IGF2BP1: variants seen among roughly 807,000 people sequenced by gnomAD.
IGF2BP1 encodes the protein insulin like growth factor 2 mRNA binding protein 1, also known as insulin-like growth factor 2 mRNA-binding protein 1.
IGF2BP1 carries 11 observed loss-of-function variants against 74.9 expected under a neutral mutation model. The observed-to-expected ratio is 0.15, with a 90% CI of 0.09 to 0.24. IGF2BP1 has a LOEUF of 0.24. Ranked by LOEUF, IGF2BP1 falls within the 10% of genes least tolerant of loss-of-function variation. The pLI, the probability that IGF2BP1 is intolerant of heterozygous loss-of-function variation, is 1.00. For missense variants in IGF2BP1, 440 were observed against 757.4 expected, an observed-to-expected ratio of 0.58 and a Z score of 4.92; for synonymous variants, 287 against 281.8, an observed-to-expected ratio of 1.02 and a Z score of -0.18.
rs1238230613 is a variant in IGF2BP1, at chr17:49,019,932, A to G, written c.237-5686A>G. Among the ~76,000 whole-genome samples the G allele has an allele frequency of 8.2e-4, 53 of 64,688 alleles. 1 individual carries two copies. The highest frequency in any genetic ancestry group is 5.7e-3 in the Middle Eastern group (1 of 174). The allele number at this position is 64,688 out of a possible 152,430, so 42.4% of individuals were successfully genotyped here. A position where few individuals can be genotyped will look rare whatever the true frequency, so the allele number is the denominator to read the frequency against. ...TATATATATATATATATATATATAT[A>G]TATATATATATATATATTTATATAC... On this transcript the variant is annotated intron_variant, in intron 2 of 14. Coordinates refer to ENST00000290341, the MANE Select transcript of IGF2BP1 (RefSeq NM_006546.4).
At chr17:48,999,215 G>T (rs779969855) in intron 2 of IGF2BP1, 46 bp downstream of exon 2, 6 of 1,035,680 alleles carry the variant, frequency 5.8e-6, no homozygotes, top group Non-Finnish European at 9.0e-6. Context: ...CCGCGGGGGT[G>T]TGCTGTGAAG....
rs1010668320 is a variant in IGF2BP1 at position 49,053,488 on chromosome 17, C to T, written c.*4044C>T. Reference sequence around the variant, plus strand: ...AGCCGAGAAATTGGTCTGTCGGCTCCTGGTTGCACTTTGGGGAAGGAGAGG... The same window carrying T: ...AGCCGAGAAATTGGTCTGTCGGCTCTTGGTTGCACTTTGGGGAAGGAGAGG... On this transcript the variant is annotated 3_prime_UTR_variant, in exon 15 of 15. Transcript: ENST00000290341. 2.6e-5 allele frequency: 4 copies of T among 152,960 alleles called. No homozygotes were observed. Among genetic ancestry groups the T allele is most frequent in the Admixed American group, 6.5e-5 (1 of 15,280 alleles). 9.5% of individuals were successfully genotyped at this position (152,960 alleles called of 1,614,324 possible).
At chr17:49,044,318 G>T (rs2042086321) in intron 11 of IGF2BP1, among the ~76,000 whole-genome samples, 1 of 152,124 alleles carries the variant, frequency 6.6e-6, no homozygotes, top group South Asian at 2.1e-4. Flanking sequence ...TTATAACATA[G>T]AAAGAGAACT....
chr17:49,043,351 G>T, intron 9 of IGF2BP1, 77 bp from the exon 10 acceptor site: 2 of 1,550,352 alleles, frequency 1.3e-6, no homozygotes. Flanking sequence ...GGGGCTACTC[G>T]CCTTTTATAC....
chr17:48,997,504 T>C lies in IGF2BP1; in HGVS notation c.-242T>C, dbSNP rs1347488157. On this transcript the variant is annotated 5_prime_UTR_variant, in exon 1 of 15. Coordinates refer to ENST00000290341, the MANE Select transcript of IGF2BP1 (RefSeq NM_006546.4). The surrounding 1 kb of genome is among the most constrained non-coding windows in gnomAD (Gnocchi z 4.8). ...ACCGAAGGGAAGAAGCTGCGCCGTG[T>C]CGTCCGTCTCCCTGCGCGCCGCGGG... 1 of 481,484 alleles carries C rather than the reference T, an allele frequency of 2.1e-6. No homozygotes were observed. Among genetic ancestry groups the C allele is most frequent in the Admixed American group, 3.9e-5 (1 of 25,696 alleles). 29.8% of individuals were successfully genotyped at this position (481,484 alleles called of 1,614,324 possible).
At chr17:49,014,900 A>T (rs903326441) in intron 2 of IGF2BP1, 1 of 985,150 alleles carries the variant, frequency 1.0e-6, no homozygotes, top group Non-Finnish European at 1.2e-6. Context: ...GGCTCCTGAG[A>T]GGGCCACCTC....
chr17:49,010,310 C>G, intron 2 of IGF2BP1, among the ~76,000 whole-genome samples: 1 of 136,588 alleles, frequency 7.3e-6, no homozygotes, highest in African/African-American at 2.8e-5. Flanking sequence ...ACATGGTGGT[C>G]ATCTTTTTTT....
chr17:49,034,118 T>TA (rs2041955342), intron 5 of IGF2BP1, among the ~76,000 whole-genome samples: 1 of 141,582 alleles, frequency 7.1e-6, no homozygotes, highest in East Asian at 2.0e-4. Flanking sequence ...TTTGCCCCTT[T>TA]TTTTTTTTTT....
At position 49,041,454 on chromosome 17, in the gene IGF2BP1, C is replaced by G. The variant is rs1456195691; in HGVS notation, c.895C>G (p.Leu299Val). The change falls in exon 8 of 15, where the codon CTG becomes GTG. Residue 299 changes from leucine to valine, a missense_variant. By Grantham distance (32) the Leu-to-Val change is conservative. Transcript: ENST00000290341. ...GRLIGKEGRNLKKVEQDTETK... is the reference protein window; with the variant it reads ...GRLIGKEGRNVKKVEQDTETK... ...TCTCATTGGCAAGGAAGGACGGAAC[C>G]TGAAGAAGGTAGAGCAAGATACCGA... 1 of 1,614,100 alleles carries G rather than the reference C, an allele frequency of 6.2e-7. No individual in the cohort carries two copies. Among genetic ancestry groups the G allele is most frequent in the Non-Finnish European group, 8.5e-7 (1 of 1,180,040 alleles).
Position 49,027,105 on chromosome 17 carries a change from G to C in IGF2BP1, c.337+588G>C, listed in dbSNP as rs372314837. Among the ~76,000 whole-genome samples, 391 of 152,322 alleles carry C rather than the reference G, an allele frequency of 2.6e-3. 2 individuals are homozygous for C. The highest frequency in any genetic ancestry group is 8.8e-3 in the African/African-American group (364 of 41,564). ...AAAAGAAGAAAGGCAGATAGAATGT[G>C]TTAGGCGGGGAAATACATTGGATTG... is the stretch of plus-strand genomic sequence containing the variant. On this transcript the variant is annotated intron_variant, in intron 4 of 14. Transcript: ENST00000290341.
chr17:49,046,226 A>G, intron 13 of IGF2BP1, 34 bp from the exon 14 acceptor site: 1 of 1,581,018 alleles, frequency 6.3e-7, no homozygotes, highest in Non-Finnish European at 8.7e-7. Context: ...TGCTTTCTTG[A>G]TGGCACCCTG....
chr17:49,056,122 A>C lies in IGF2BP1; in HGVS notation c.*6678A>C, dbSNP rs1039372740. On this transcript the variant is annotated 3_prime_UTR_variant, in exon 15 of 15. Coordinates refer to ENST00000290341, the MANE Select transcript of IGF2BP1 (RefSeq NM_006546.4). Reference sequence around the variant, plus strand: ...TTTTGCTGTTTCAATTTCAAAATAAAAGGAAACTTATATTGAAAGACAAGT... The same window carrying C: ...TTTTGCTGTTTCAATTTCAAAATAACAGGAAACTTATATTGAAAGACAAGT... Among the ~76,000 whole-genome samples, 1 of 152,136 alleles carries C rather than the reference A, an allele frequency of 6.6e-6. No individual in the cohort carries two copies. Among genetic ancestry groups the C allele is most frequent in the African/African-American group, 2.4e-5 (1 of 41,406 alleles).
chr17:49,007,663 C>T (rs1023883073), intron 2 of IGF2BP1, among the ~76,000 whole-genome samples: 4 of 152,108 alleles, frequency 2.6e-5, no homozygotes, highest in Non-Finnish European at 5.9e-5. Flanking sequence ...GCTTGGGGCT[C>T]GTCAACTTTC....
chr17:49,005,697 A>G (rs182273143), intron 2 of IGF2BP1, among the ~76,000 whole-genome samples: 8 of 152,198 alleles, frequency 5.3e-5, no homozygotes, highest in African/African-American at 1.4e-4. Flanking sequence ...ACATTTCCTT[A>G]TGAAAAGAAG....
At chr17:49,008,860 C>G (rs914147421) in intron 2 of IGF2BP1, among the ~76,000 whole-genome samples, 1 of 151,848 alleles carries the variant, frequency 6.6e-6, no homozygotes, top group South Asian at 2.1e-4. Flanking sequence ...AAGATTGGTA[C>G]TTCTGATGTA....
At chr17:49,010,625 C>T (rs2041605887) in intron 2 of IGF2BP1, among the ~76,000 whole-genome samples, 1 of 152,094 alleles carries the variant, frequency 6.6e-6, no homozygotes, top group South Asian at 2.1e-4. Flanking sequence ...CTTTGTGTGT[C>T]CCCTTTCCTG....
chr17:49,004,807 C>T (rs763705309), intron 2 of IGF2BP1: 4 of 152,150 alleles, frequency 2.6e-5, no homozygotes, highest in Non-Finnish European at 4.4e-5. Context: ...TTTTAAATGC[C>T]TGTCAAAACA....
In IGF2BP1 at chr17:48,997,547, C is replaced by A; in HGVS notation, c.-199C>A. 3 of 593,026 alleles carry A rather than the reference C, an allele frequency of 5.1e-6. No individual in the cohort carries two copies. The highest frequency in any genetic ancestry group is 5.9e-6 in the Non-Finnish European group (2 of 337,178). 36.7% of individuals were successfully genotyped at this position (593,026 alleles called of 1,614,324 possible). ...GCCGCGGGCACTTCTCCTGGGCTCT[C>A]CCCGAACTCTCCCGCGACCTCTGCG... On this transcript the variant is annotated 5_prime_UTR_variant, in exon 1 of 15. Transcript: ENST00000290341. This position sits in a 1 kb window ranked among gnomAD's most constrained non-coding sequence, Gnocchi z 4.8.
Position 49,054,013 on chromosome 17 carries a change from C to T in IGF2BP1, c.*4569C>T, listed in dbSNP as rs1323020005. 4 of 152,810 alleles carry T rather than the reference C, an allele frequency of 2.6e-5. No homozygotes were observed. Among genetic ancestry groups the T allele is most frequent in the South Asian group, 2.1e-4 (1 of 4,834 alleles). 9.5% of individuals were successfully genotyped at this position (152,810 alleles called of 1,614,324 possible). The stretch of plus-strand genomic sequence containing the variant: ...AAAAGCCATTTCCCTTCCAAATACT[C>T]GACAATTTAGATGCAGAACATTTCT... On this transcript the variant is annotated 3_prime_UTR_variant, in exon 15 of 15. Coordinates refer to ENST00000290341, the MANE Select transcript of IGF2BP1 (RefSeq NM_006546.4).
Sources: allele counts gnomAD v4.1 joint callset (sites outside exome capture counted in the v4.1 genomes callset), GRCh38; gene constraint gnomAD v4.1.1; non-coding constraint Gnocchi (gnomAD v3.1); transcripts MANE v1.5; gene names NCBI Gene and HGNC (gene_info 2026-07-23, HGNC 2026-07-21).